FGF10: variants seen among roughly 807,000 people sequenced by gnomAD.
FGF10 encodes FGF-10.
A neutral mutation model predicts 19.8 loss-of-function variants in FGF10; 2 were observed. The ratio of observed to expected loss-of-function variants is 0.10; its 90% CI spans 0.04 to 0.32. The LOEUF (loss-of-function observed/expected upper bound fraction) is 0.32, where lower values mean the gene tolerates loss of function less well. FGF10 is among the 10% of genes least tolerant of loss of function. FGF10 has a pLI of 1.00. For synonymous variants in FGF10, 112 were observed against 94.0 expected (o/e 1.19, Z -1.10); for missense variants, 191 against 246.3 (o/e 0.78, Z 1.50).
At chr5:44,384,583 A>C (rs982206440) in intron 1 of FGF10, among the ~76,000 whole-genome samples, 1 of 152,150 alleles carries the variant, frequency 6.6e-6, no homozygotes, top group Non-Finnish European at 1.5e-5. Context: ...AGAAAGGTAC[A>C]ATAAGAAAGG....
chr5:44,385,734 G>A (rs1223690349), intron 1 of FGF10, among the ~76,000 whole-genome samples: 1 of 152,124 alleles, frequency 6.6e-6, no homozygotes, highest in Non-Finnish European at 1.5e-5. Flanking sequence ...CTACCCTGTA[G>A]GCATGGTAAA....
chr5:44,376,794 A>C (rs879798286), intron 1 of FGF10, among the ~76,000 whole-genome samples: 1 of 152,068 alleles, frequency 6.6e-6, no homozygotes, highest in Non-Finnish European at 1.5e-5. Context: ...CTTGCTACTT[A>C]CTATATTTAG....
Position 44,302,341 on chromosome 5 carries a change from GTCTTTTCTCTCTTTCTTTTC to G in FGF10, c.*2634_*2653del, listed in dbSNP as rs756831426. Among the ~76,000 whole-genome samples the G allele has an allele frequency of 9.4e-4, 107 of 114,116 alleles. No individual in the cohort carries two copies. Among genetic ancestry groups the G allele is most frequent in the Non-Finnish European group, 1.5e-3 (89 of 58,434 alleles). 74.9% of individuals were successfully genotyped at this position (114,116 alleles called of 152,430 possible). The stretch of plus-strand genomic sequence containing the variant: ...TTCCTTCCTTCCTTCCTGTCTTTCT[GTCTTTTCTCTCTTTCTTTTC>G]TCTTTTCTCTCTTTCCTTTCTTTCT... On this transcript the variant is annotated 3_prime_UTR_variant, in exon 3 of 3. Coordinates refer to ENST00000264664, the MANE Select transcript of FGF10 (RefSeq NM_004465.2).
intron 1 of FGF10, among the ~76,000 whole-genome samples, chr5:44,333,628 C>G (rs1740786250): frequency 6.6e-6 from 1 of 152,048 alleles, no homozygotes; most frequent in South Asian, 2.1e-4. Context: ...AAGTCAAGGT[C>G]CAAACTCATG....
At position 44,347,562 on chromosome 5, in the gene FGF10, G is replaced by A. The variant is rs551633815; in HGVS notation, c.326-37032C>T. Among the ~76,000 whole-genome samples, 6 of 151,694 alleles carry A rather than the reference G, an allele frequency of 4.0e-5. No homozygotes were observed. The South Asian group carries it at 1.0e-3, about 26-fold the overall frequency. On this transcript the variant is annotated intron_variant, in intron 1 of 2. Coordinates refer to ENST00000264664, the MANE Select transcript of FGF10 (RefSeq NM_004465.2). The stretch of plus-strand genomic sequence containing the variant: ...TGAGGGCTGTTCTTTGTGATGCTTC[G>A]TCCCTGGCAAATCTTTCTTCTCTTG...
chr5:44,345,042 T>C (rs61522405), intron 1 of FGF10, among the ~76,000 whole-genome samples: 3,263 of 151,962 alleles, frequency 0.021, 72 homozygotes, highest in African/African-American at 0.058. Context: ...TAAATCAGCA[T>C]ATATTATGTA....
intron 1 of FGF10, among the ~76,000 whole-genome samples, chr5:44,358,031 G>C (rs912368116): frequency 6.6e-6 from 1 of 151,312 alleles, no homozygotes; most frequent in Non-Finnish European, 1.5e-5. Flanking sequence ...AGTCTTGAGG[G>C]GGGCAAGGGC....
Position 44,303,527 on chromosome 5 carries a change from A to G in FGF10, c.*1468T>C, listed in dbSNP as rs1417758478. 1 of 152,232 alleles carries G rather than the reference A, an allele frequency of 6.6e-6. No individual in the cohort carries two copies. The allele number at this position is 152,232 out of a possible 1,614,324, so 9.4% of individuals were successfully genotyped here. On this transcript the variant is annotated 3_prime_UTR_variant, in exon 3 of 3. Transcript: ENST00000264664. The stretch of plus-strand genomic sequence containing the variant: ...ATTTTTCTACATTTTTAAAATCACT[A>G]CAGACACTGCAAATAAGGCTTATGT...
chr5:44,342,067 A>G (rs902220745), intron 1 of FGF10, among the ~76,000 whole-genome samples: 2 of 151,972 alleles, frequency 1.3e-5, no homozygotes, highest in Non-Finnish European at 2.9e-5. Context: ...CTCTAGCAAT[A>G]ACATTTGTGA....
chr5:44,355,960 G>C (rs957815941), intron 1 of FGF10, among the ~76,000 whole-genome samples: 33 of 151,394 alleles, frequency 2.2e-4, no homozygotes, highest in African/African-American at 8.0e-4. Flanking sequence ...TCAGGAAAAA[G>C]AGCGAGGTGA....
At chr5:44,348,571 C>G (rs1741139684) in intron 1 of FGF10, among the ~76,000 whole-genome samples, 1 of 151,478 alleles carries the variant, frequency 6.6e-6, no homozygotes, top group South Asian at 2.1e-4. Context: ...GAACTTCCAG[C>G]CTTCCCATTA....
At chr5:44,305,370 A>G (rs576867799) in intron 2 of FGF10, among the ~76,000 whole-genome samples, 178 bp from the exon 3 acceptor site, 13 of 152,294 alleles carry the variant, frequency 8.5e-5, no homozygotes, top group Admixed American at 5.9e-4. Context: ...ACCACAAAAC[A>G]CATTCTGTTT....
Position 44,388,567 on chromosome 5 carries a change from G to T in FGF10, c.116C>A (p.Ala39Asp), listed in dbSNP as rs201790067. The change falls in exon 1 of 3, where the codon GCC (alanine) becomes GAC (aspartate). Residue 39 changes from alanine to aspartate, a missense_variant. Coordinates refer to ENST00000264664, the MANE Select transcript of FGF10 (RefSeq NM_004465.2). ...LVSSVPVTCQ[A>D]LGQDMVSPEA... ...TGGTGACACCATGTCCTGACCAAGG[G>T]CTTGGCAGGTGACAGGGACGGAAGA... 6.2e-7 allele frequency: 1 copy of T among 1,614,186 alleles called. No individual in the cohort carries two copies. The highest frequency in any genetic ancestry group is 8.5e-7 in the Non-Finnish European group (1 of 1,180,042).
At chr5:44,321,053 C>G (rs1740474235) in intron 1 of FGF10, among the ~76,000 whole-genome samples, 1 of 152,016 alleles carries the variant, frequency 6.6e-6, no homozygotes, top group African/African-American at 2.4e-5. Flanking sequence ...TGAAGGACAC[C>G]ACTTCATCAA....
At chr5:44,307,249 A>T (rs898098239) in intron 2 of FGF10, among the ~76,000 whole-genome samples, 20 of 152,170 alleles carry the variant, frequency 1.3e-4, no homozygotes, top group Non-Finnish European at 2.5e-4. Flanking sequence ...GGGGCCTCAA[A>T]ATATATGTTG....
chr5:44,338,618 TCACAA>T (rs1401842671), intron 1 of FGF10, among the ~76,000 whole-genome samples: 5 of 152,166 alleles, frequency 3.3e-5, no homozygotes, highest in African/African-American at 9.7e-5. Flanking sequence ...TCTTCCCTCA[TCACAA>T]CACAAGTTCA....
At chr5:44,363,687 AG>A (rs1215567580) in intron 1 of FGF10, among the ~76,000 whole-genome samples, 1 of 151,942 alleles carries the variant, frequency 6.6e-6, no homozygotes, top group Non-Finnish European at 1.5e-5. Context: ...TCATTGAAAC[AG>A]CCTCTTTACA....
intron 1 of FGF10, among the ~76,000 whole-genome samples, chr5:44,350,151 T>C (rs568234428): frequency 2.3e-4 from 35 of 151,028 alleles, no homozygotes; most frequent in Non-Finnish European, 4.6e-4. Flanking sequence ...TTTTAACTAT[T>C]GATATGTATC....
At chr5:44,339,373 T>C (rs1341434860) in intron 1 of FGF10, among the ~76,000 whole-genome samples, 3 of 152,148 alleles carry the variant, frequency 2.0e-5, no homozygotes, top group Admixed American at 1.3e-4. Flanking sequence ...GAAATTATGA[T>C]AATTGTTCTC....
Sources: gnomAD v4.1 joint callset for allele counts (sites outside exome capture counted in the v4.1 genomes callset) on GRCh38, gnomAD v4.1.1 for gene constraint, MANE v1.5 for transcripts, NCBI Gene and HGNC (gene_info 2026-07-23, HGNC 2026-07-21) for gene names.